Variants in XIAP observed in about 807,000 individuals in gnomAD.
The protein encoded by XIAP is X-linked inhibitor of apoptosis, also known as E3 ubiquitin-protein ligase XIAP.
A neutral mutation model predicts 33.1 loss-of-function variants in XIAP; 3 were observed. The observed-to-expected ratio is 0.09, with a 90% confidence interval of 0.04 to 0.23. XIAP has a LOEUF of 0.23. XIAP is among the 10% of genes least tolerant of loss of function. The probability of loss-of-function intolerance (pLI) is 1.00; values close to 1 mark genes in which losing one functional copy is unlikely to be tolerated. For synonymous variants in XIAP, 98 were observed against 121.3 expected (o/e 0.81, Z 1.26); for missense variants, 264 against 363.0 (o/e 0.73, Z 2.22).
intron 1 of XIAP, among the ~76,000 whole-genome samples, chrX:123,875,875 G>A (rs1347774364): frequency 9.0e-6 from 1 of 110,893 alleles, no homozygotes; most frequent in African/African-American, 3.3e-5. Flanking sequence ...TAGTAGAGAC[G>A]GTGTTTCACC....
At chrX:123,874,869 A>AT (rs773693860) in intron 1 of XIAP, among the ~76,000 whole-genome samples, 746 of 42,593 alleles carry the variant, frequency 0.018, 11 homozygotes, top group African/African-American at 0.06. Flanking sequence ...TAATTCTTGT[A>AT]TTTTTTTTTT....
intron 1 of XIAP, among the ~76,000 whole-genome samples, chrX:123,881,946 G>A (rs2053308389): frequency 9.1e-6 from 1 of 110,118 alleles, no homozygotes; most frequent in East Asian, 2.8e-4. Context: ...GTAGAGATGG[G>A]GTTTCACCAT....
At chrX:123,904,418 G>A (rs1030880830) in intron 6 of XIAP, among the ~76,000 whole-genome samples, 2 of 110,229 alleles carry the variant, frequency 1.8e-5, no homozygotes, top group African/African-American at 6.6e-5. Flanking sequence ...TTTTTCCTCT[G>A]CCTTGAGTAC....
chrX:123,865,978 G>C (rs1462055394), intron 1 of XIAP, among the ~76,000 whole-genome samples: 2 of 104,053 alleles, frequency 1.9e-5, no homozygotes, highest in Non-Finnish European at 3.9e-5. Context: ...TTGCTCTGTC[G>C]CCCAGAGCTG....
chrX:123,898,259 T>C (rs1447321889), intron 5 of XIAP, among the ~76,000 whole-genome samples: 1 of 112,891 alleles, frequency 8.9e-6, no homozygotes, highest in African/African-American at 3.2e-5. Flanking sequence ...AGGCCCTTCC[T>C]TGTTTTTCAA....
chrX:123,868,940 T>A (rs1294408968), intron 1 of XIAP, among the ~76,000 whole-genome samples: 1 of 111,317 alleles, frequency 9.0e-6, no homozygotes, highest in African/African-American at 3.3e-5. Context: ...TTGGTATGAT[T>A]TGGTACCCAG....
intron 1 of XIAP, among the ~76,000 whole-genome samples, chrX:123,864,490 G>A (rs991919429): frequency 1.3e-5 from 1 of 76,881 alleles, no homozygotes; most frequent in African/African-American, 5.3e-5. Flanking sequence ...TTGAGACGAC[G>A]GAGTCTGGCT....
chrX:123,904,216 C>T (rs753163339), intron 6 of XIAP, among the ~76,000 whole-genome samples: 76 of 111,260 alleles, frequency 6.8e-4, no homozygotes, highest in African/African-American at 2.4e-3. Context: ...GGATTATAGG[C>T]GTGAGCCACC....
intron 1 of XIAP, among the ~76,000 whole-genome samples, chrX:123,882,830 G>A (rs1334790601): frequency 1.8e-5 from 2 of 112,487 alleles, no homozygotes; most frequent in Non-Finnish European, 3.8e-5. Flanking sequence ...CCAGGCTGGG[G>A]TGCAGTGGCA....
At position 123,912,593 on chromosome X, in the gene XIAP, G is replaced by A. The variant is rs763508448; in HGVS notation, c.*5412G>A. On this transcript the variant is annotated 3_prime_UTR_variant, in exon 7 of 7. Coordinates refer to ENST00000371199, the MANE Select transcript of XIAP (RefSeq NM_001167.4). ...GAGGCTGCATTGAGCTATGATCATG[G>A]CACTGCATTCCAGCCTGGGTGACAG... 7 of 327,033 alleles carry A rather than the reference G, an allele frequency of 2.1e-5. No homozygotes were observed. The highest frequency in any genetic ancestry group is 1.8e-4 in the South Asian group (7 of 38,071). The allele number at this position is 327,033 out of a possible 1,213,427, so 27.0% of individuals were successfully genotyped here.
chrX:123,879,778 C>T (rs1267460790), intron 1 of XIAP, among the ~76,000 whole-genome samples: 3 of 111,681 alleles, frequency 2.7e-5, no homozygotes, highest in Non-Finnish European at 5.6e-5. Context: ...GTGCATTCTA[C>T]CTTATATCCT....
Position 123,900,652 on chromosome X carries a change from A to G in XIAP, c.1259A>G (p.Asp420Gly), listed in dbSNP as rs2053507344. ...LVADLVNAQKDSMQDESSQTS... is the reference protein window; with the variant it reads ...LVADLVNAQKGSMQDESSQTS... ...GCAGATCTAGTGAATGCTCAGAAAGACAGTATGCAAGATGAGTCAAGTCAG... is the reference window on the plus strand; with the variant it reads ...GCAGATCTAGTGAATGCTCAGAAAGGCAGTATGCAAGATGAGTCAAGTCAG... The change falls in exon 6 of 7, where the codon GAC becomes GGC. Residue 420 changes from aspartate to glycine, a missense_variant. Transcript: ENST00000371199. 8.3e-7 allele frequency: 1 copy of G among 1,209,735 alleles called. No homozygotes were observed. Among genetic ancestry groups the G allele is most frequent in the African/African-American group, 1.8e-5 (1 of 57,092 alleles).
intron 1 of XIAP, among the ~76,000 whole-genome samples, chrX:123,865,936 G>A (rs1356167824): frequency 9.6e-6 from 1 of 103,804 alleles, no homozygotes; most frequent in Non-Finnish European, 2.0e-5. Context: ...TTTTTTTTTG[G>A]TATCTCTTTT....
intron 5 of XIAP, among the ~76,000 whole-genome samples, chrX:123,898,231 C>A (rs1188743248): frequency 8.9e-6 from 1 of 112,576 alleles, no homozygotes; most frequent in Non-Finnish European, 1.9e-5. Flanking sequence ...GACTTTCCCA[C>A]TTATTCTGCT....
At chrX:123,868,053 G>T (rs2053160529) in intron 1 of XIAP, among the ~76,000 whole-genome samples, 1 of 111,743 alleles carries the variant, frequency 8.9e-6, no homozygotes, top group African/African-American at 3.2e-5. Context: ...TAAAGTAACA[G>T]GGTCAGGCAT....
chrX:123,876,705 T>TTAAA (rs779561599), intron 1 of XIAP, among the ~76,000 whole-genome samples: 44 of 107,252 alleles, frequency 4.1e-4, no homozygotes, highest in Middle Eastern at 9.8e-3. Flanking sequence ...GCCTTGTCTT[T>TTAAA]TAAATAAATA....
intron 5 of XIAP, among the ~76,000 whole-genome samples, chrX:123,897,437 G>C (rs756945362): frequency 3.5e-4 from 39 of 111,845 alleles, no homozygotes; most frequent in African/African-American, 1.3e-3. Context: ...ATCAGGTAGG[G>C]GTCCACGTCC....
rs374430661 is a variant in XIAP at position 123,905,271 on chromosome X, C to G, written c.1301-1717C>G. On this transcript the variant is annotated intron_variant, in intron 6 of 6. Coordinates refer to ENST00000371199, the MANE Select transcript of XIAP (RefSeq NM_001167.4). ...ATCAGGCACCCTTTTGTAGCCTCAT[C>G]TCATGCTATTTTCTCAAATTCTGTG... Among the ~76,000 whole-genome samples, 9 of 111,584 alleles carry G rather than the reference C, an allele frequency of 8.1e-5. No homozygotes were observed. The East Asian group carries it at 2.3e-3, about 28-fold the overall frequency.
At chrX:123,900,757 C>A in intron 6 of XIAP, 64 bp downstream of exon 6, 1 of 1,058,933 alleles carries the variant, frequency 9.4e-7, no homozygotes, top group Non-Finnish European at 1.3e-6. Flanking sequence ...CCTGTAATCC[C>A]AGCACTTTGG....
Sources: allele counts gnomAD v4.1 joint callset (sites outside exome capture counted in the v4.1 genomes callset), GRCh38; gene constraint gnomAD v4.1.1; transcripts MANE v1.5; gene names NCBI Gene and HGNC (gene_info 2026-07-23, HGNC 2026-07-21).